DCC: variants seen among roughly 807,000 people sequenced by gnomAD.
The protein encoded by DCC is netrin receptor DCC.
In DCC, 58 loss-of-function variants were observed where a neutral mutation model predicts 172.5. The ratio of observed to expected loss-of-function variants is 0.34; its 90% CI spans 0.27 to 0.42. The LOEUF is 0.42. Ranked by LOEUF, DCC falls within the 10% of genes least tolerant of loss-of-function variation. The pLI, the probability that DCC is intolerant of heterozygous loss-of-function variation, is 1.00. For missense variants in DCC, 1,740 were observed against 1,791.0 expected (o/e 0.97, Z 0.51); for synonymous variants, 709 against 644.5 (o/e 1.10, Z -1.52).
At chr18:53,429,040 TTATATATAATATATTATATATTTTA>T in intron 21 of DCC, among the ~76,000 whole-genome samples, 1 of 41,012 alleles carries the variant, frequency 2.4e-5, no homozygotes, top group East Asian at 6.7e-4. Flanking sequence ...AATATATATT[TTATATATAATATATTATATATTTTA>T]TATATAATAT....
chr18:52,612,883 A>G (rs903692213), intron 1 of DCC, among the ~76,000 whole-genome samples: 3 of 152,250 alleles, frequency 2.0e-5, no homozygotes, highest in Non-Finnish European at 4.4e-5. Context: ...TCTGTCGAAG[A>G]GAAACTAAGA....
intron 2 of DCC, chr18:52,816,865 T>TA (rs890772180): frequency 6.6e-6 from 1 of 152,172 alleles, no homozygotes; most frequent in Non-Finnish European, 1.5e-5. Flanking sequence ...TTTATTTAAT[T>TA]AAAAAATCTA....
chr18:52,826,331 G>T (rs1043800139), intron 2 of DCC, among the ~76,000 whole-genome samples: 1 of 152,092 alleles, frequency 6.6e-6, no homozygotes, highest in Admixed American at 6.5e-5. Flanking sequence ...GTGCCTACAC[G>T]GAGGAAAATA....
intron 8 of DCC, among the ~76,000 whole-genome samples, chr18:53,163,300 G>A (rs1226043574): frequency 6.6e-6 from 1 of 152,100 alleles, no homozygotes; most frequent in Non-Finnish European, 1.5e-5. Context: ...GTGTTACTGA[G>A]GAGGATGAAT....
rs1456850488 is a variant in DCC at position 53,170,179 on chromosome 18, AC to A, written c.1419-8782del. On this transcript the variant is annotated intron_variant, in intron 8 of 28. Transcript: ENST00000442544. ...CACCCCATTAAAACACAGGGAAGCC[AC>A]GCAGCAGTTTGGCAGCAGACACTCA... Among the ~76,000 whole-genome samples the A allele has an allele frequency of 8.5e-5, 13 of 152,310 alleles. No homozygotes were observed. In the East Asian group the frequency reaches 2.5e-3, roughly 29 times the overall value.
intron 1 of DCC, among the ~76,000 whole-genome samples, chr18:52,393,689 C>T (rs1986113716): frequency 6.6e-6 from 1 of 151,998 alleles, no homozygotes; most frequent in South Asian, 2.1e-4. Flanking sequence ...AATTCTAAAA[C>T]CTGTTCATAC....
intron 15 of DCC, among the ~76,000 whole-genome samples, chr18:53,356,237 C>T (rs2057876555): frequency 6.6e-6 from 1 of 151,990 alleles, no homozygotes. Context: ...AGTCTCTCCT[C>T]TACCTTCTTG....
At chr18:53,045,589 C>A (rs1427222148) in intron 5 of DCC, among the ~76,000 whole-genome samples, 1 of 151,730 alleles carries the variant, frequency 6.6e-6, no homozygotes, top group Non-Finnish European at 1.5e-5. Context: ...TATGCAAGGT[C>A]CTCTAAAGTG....
intron 2 of DCC, among the ~76,000 whole-genome samples, chr18:52,881,892 G>C (rs763897349): frequency 6.6e-6 from 1 of 152,052 alleles, no homozygotes; most frequent in East Asian, 1.9e-4. Context: ...GCTTTGAGTA[G>C]TGTGGAAATT....
intron 2 of DCC, among the ~76,000 whole-genome samples, chr18:52,900,212 G>A (rs758659723): frequency 3.9e-5 from 6 of 152,072 alleles, no homozygotes; most frequent in African/African-American, 7.2e-5. Flanking sequence ...CTGCAAATAG[G>A]GTAAAACCTT....
At chr18:52,615,021 C>A (rs917865992) in intron 1 of DCC, among the ~76,000 whole-genome samples, 2 of 152,086 alleles carry the variant, frequency 1.3e-5, no homozygotes, top group African/African-American at 2.4e-5. Context: ...TTCCTTTTAG[C>A]AGAAAATGTC....
chr18:52,723,614 C>T (rs1170518354), intron 1 of DCC, among the ~76,000 whole-genome samples: 1 of 152,200 alleles, frequency 6.6e-6, no homozygotes. Flanking sequence ...GAGGGCCCTG[C>T]AGCCAGCATA....
chr18:53,075,800 C>T (rs959951939), intron 7 of DCC, among the ~76,000 whole-genome samples: 1 of 152,058 alleles, frequency 6.6e-6, no homozygotes, highest in African/African-American at 2.4e-5. Context: ...AGTCTTATTT[C>T]CTGGGGAAAA....
chr18:52,891,857 C>T (rs559089432), intron 2 of DCC, among the ~76,000 whole-genome samples: 3 of 152,218 alleles, frequency 2.0e-5, no homozygotes, highest in African/African-American at 7.2e-5. Context: ...AAGTTTCTCT[C>T]TGAGATTCCT....
intron 2 of DCC, among the ~76,000 whole-genome samples, chr18:52,873,267 A>G (rs2039350135): frequency 6.6e-6 from 1 of 152,198 alleles, no homozygotes; most frequent in South Asian, 2.1e-4. Flanking sequence ...CCCAGTAAAC[A>G]GTGTACAGAG....
chr18:52,636,926 C>T (rs1163648291), intron 1 of DCC, among the ~76,000 whole-genome samples: 6 of 152,238 alleles, frequency 3.9e-5, no homozygotes, highest in East Asian at 1.9e-4. Context: ...CCTGCACCCC[C>T]GCCACCTCCA....
chr18:52,353,805 G>A (rs560014906), intron 1 of DCC, among the ~76,000 whole-genome samples: 18 of 152,222 alleles, frequency 1.2e-4, no homozygotes, highest in African/African-American at 4.1e-4. Context: ...GTTCCTCCTG[G>A]GGAGAGAAGT....
chr18:53,090,536 A>G (rs2042987474), intron 7 of DCC, among the ~76,000 whole-genome samples: 1 of 151,218 alleles, frequency 6.6e-6, no homozygotes, highest in African/African-American at 2.4e-5. Flanking sequence ...TACTAACGAT[A>G]CAAAAAAATT....
chr18:52,757,300 C>T (rs367746462), intron 2 of DCC: 3 of 152,330 alleles, frequency 2.0e-5, no homozygotes, highest in African/African-American at 7.2e-5. Flanking sequence ...AAAAGATTCA[C>T]TGAAGCTGGT....
Sources: allele counts gnomAD v4.1 joint callset (sites outside exome capture counted in the v4.1 genomes callset), GRCh38; gene constraint gnomAD v4.1.1; transcripts MANE v1.5; gene names NCBI Gene and HGNC (gene_info 2026-07-23, HGNC 2026-07-21).